CDH19: variants seen among roughly 807,000 people sequenced by gnomAD.
The protein encoded by CDH19 is cadherin-19.
In CDH19, 67 loss-of-function variants were observed where a neutral mutation model predicts 64.2. The observed-to-expected ratio is 1.04, with a 90% confidence interval of 0.86 to 1.28. The LOEUF (loss-of-function observed/expected upper bound fraction) is 1.28. CDH19 is among the 50% of genes most tolerant of loss of function. The pLI is 0.00. For synonymous variants in CDH19, 346 were observed against 319.3 expected (o/e 1.08, Z -0.89); for missense variants, 1,030 against 929.0 (o/e 1.11, Z -1.41).
In CDH19 at chr18:66,572,316, C is replaced by A; in HGVS notation, c.-112G>T. On this transcript the variant is annotated splice_region_variant and 5_prime_UTR_variant, in exon 2 of 12. Coordinates refer to ENST00000262150, the MANE Select transcript of CDH19 (RefSeq NM_021153.4). ...TCTGATTCTGTGTACCTTCTATATA[C>A]CTAAAGCGTCAGAAACAAAACAAAA... 1 of 679,182 alleles carries A rather than the reference C, an allele frequency of 1.5e-6. No homozygotes were observed. The highest frequency in any genetic ancestry group is 3.4e-5 in the South Asian group (1 of 29,820). 42.1% of individuals were successfully genotyped at this position (679,182 alleles called of 1,614,324 possible).
intron 1 of CDH19, among the ~76,000 whole-genome samples, chr18:66,579,582 A>G (rs1022438229): frequency 1.3e-5 from 2 of 152,026 alleles, no homozygotes; most frequent in African/African-American, 4.8e-5. Flanking sequence ...CTACCACAAA[A>G]TTGATCTAGT....
At chr18:66,585,661 C>T (rs1207432181) in intron 1 of CDH19, among the ~76,000 whole-genome samples, 1 of 152,050 alleles carries the variant, frequency 6.6e-6, no homozygotes, top group East Asian at 1.9e-4. Context: ...CTGCATTTCT[C>T]AAGGTCGAAA....
intron 3 of CDH19, among the ~76,000 whole-genome samples, chr18:66,557,424 G>C (rs1987559302): frequency 6.6e-6 from 1 of 151,912 alleles, no homozygotes; most frequent in South Asian, 2.1e-4. Flanking sequence ...AATGTATTCT[G>C]TTAATAGATT....
chr18:66,524,803 T>A (rs1206172350), intron 9 of CDH19, among the ~76,000 whole-genome samples: 2 of 151,950 alleles, frequency 1.3e-5, no homozygotes, highest in East Asian at 3.9e-4. Flanking sequence ...TGTGTGTCCT[T>A]CATGTTTTAT....
intron 5 of CDH19, 27 bp downstream of exon 5, chr18:66,551,067 T>C: frequency 7.8e-7 from 1 of 1,280,908 alleles, no homozygotes; most frequent in Admixed American, 1.8e-5. Flanking sequence ...TATAATGTAA[T>C]GAAGATGTAG....
At chr18:66,550,450 C>G (rs558938560) in intron 5 of CDH19, among the ~76,000 whole-genome samples, 1 of 152,010 alleles carries the variant, frequency 6.6e-6, no homozygotes, top group East Asian at 1.9e-4. Context: ...AATATGTCAC[C>G]GAAAGTGGCA....
rs760825598 is a variant in CDH19 at position 66,544,051 on chromosome 18, T to C, written c.1134A>G (p.Glu378=). The C allele has an allele frequency of 7.6e-5, 122 of 1,613,758 alleles. 2 individuals carry two copies. Among genetic ancestry groups the C allele is most frequent in the South Asian group, 5.3e-4 (48 of 91,082 alleles). The part of the protein sequence containing the change: ...PLFLLPYYVF[E]VFEETPQGSF... Reference sequence around the variant, plus strand: ...ATCCCTGTGGGGTTTCTTCAAAAACTTCAAATACATAATATGGAAGGAGGA... The same window carrying C: ...ATCCCTGTGGGGTTTCTTCAAAAACCTCAAATACATAATATGGAAGGAGGA... The change falls in exon 7 of 12, where the codon GAA becomes GAG. Residue 378 remains glutamate (E), a synonymous_variant. Coordinates refer to ENST00000262150, the MANE Select transcript of CDH19 (RefSeq NM_021153.4).
Position 66,572,065 on chromosome 18 carries a change from C to CAGTGT in CDH19, c.139_140insACACT (p.Trp47TyrfsTer12). On this transcript the variant is annotated frameshift_variant, in exon 2 of 12. Transcript: ENST00000262150. LOFTEE classifies it high-confidence loss of function. ...TTCCTCTGGTACAAAAAATTGGTTC[C>CAGTGT]ACACCCAGCCACGCTTCACTCTCAA... The CAGTGT allele has an allele frequency of 6.2e-7, 1 of 1,611,394 alleles. No homozygotes were observed.
At chr18:66,551,403 A>C in intron 4 of CDH19, 145 bp from the exon 5 acceptor site, 1 of 587,340 alleles carries the variant, frequency 1.7e-6, no homozygotes. Context: ...GAAAAATAAT[A>C]AAAAATAAAT....
chr18:66,560,170 C>T (rs546115662), intron 3 of CDH19, among the ~76,000 whole-genome samples: 8 of 152,108 alleles, frequency 5.3e-5, no homozygotes, highest in African/African-American at 1.2e-4. Context: ...GCACTAATAA[C>T]GAGCAAACGC....
At chr18:66,544,683 G>A (rs771917745) in intron 6 of CDH19, 36 bp downstream of exon 6, 24 of 1,407,038 alleles carry the variant, frequency 1.7e-5, no homozygotes, top group South Asian at 2.7e-5. Context: ...TTAATTTTGC[G>A]CTATTCTGCA....
At chr18:66,592,601 T>C (rs1257060308) in intron 1 of CDH19, among the ~76,000 whole-genome samples, 2 of 151,824 alleles carry the variant, frequency 1.3e-5, no homozygotes, top group East Asian at 3.9e-4. Flanking sequence ...AGCTTAATTT[T>C]ATTCTAGCTT....
intron 9 of CDH19, among the ~76,000 whole-genome samples, chr18:66,529,612 T>C (rs1429160734): frequency 6.7e-6 from 1 of 148,334 alleles, no homozygotes; most frequent in Non-Finnish European, 1.5e-5. Context: ...TAAAATAAGA[T>C]GAATGCATAA....
At chr18:66,557,514 A>T (rs1483905692) in intron 3 of CDH19, among the ~76,000 whole-genome samples, 5 of 152,044 alleles carry the variant, frequency 3.3e-5, no homozygotes, top group Non-Finnish European at 7.4e-5. Context: ...AATCTGTGAT[A>T]TTATAAATAT....
intron 9 of CDH19, among the ~76,000 whole-genome samples, chr18:66,525,785 G>A (rs529309094): frequency 5.3e-5 from 8 of 152,142 alleles, no homozygotes; most frequent in Non-Finnish European, 1.0e-4. Context: ...TTAAATGGAG[G>A]AACATGATAG....
intron 9 of CDH19, among the ~76,000 whole-genome samples, chr18:66,524,558 AT>A (rs1289389870): frequency 2.1e-5 from 3 of 140,900 alleles, no homozygotes; most frequent in Non-Finnish European, 4.7e-5. Flanking sequence ...ATATATATAT[AT>A]ATATATATAT....
intron 3 of CDH19, among the ~76,000 whole-genome samples, chr18:66,562,148 T>TG (rs1987746101): frequency 6.6e-6 from 1 of 151,834 alleles, no homozygotes; most frequent in Non-Finnish European, 1.5e-5. Flanking sequence ...GGCATGGGGA[T>TG]GGTCTGGGGA....
intron 3 of CDH19, among the ~76,000 whole-genome samples, chr18:66,565,481 A>C (rs1390259567): frequency 6.6e-6 from 1 of 151,986 alleles, no homozygotes; most frequent in African/African-American, 2.4e-5. Flanking sequence ...AAATGTTTGC[A>C]ATAGTTGTTT....
Position 66,544,854 on chromosome 18 carries a change from T to C in CDH19, c.825A>G (p.Ile275Met), listed in dbSNP as rs765475451. The C allele has an allele frequency of 1.2e-6, 2 of 1,612,822 alleles. No homozygotes were observed. The highest frequency in any genetic ancestry group is 2.2e-5 in the South Asian group (2 of 90,800). ...VSESAPTGTS[I>M]GTIMAYDNDI... ...CATTATCATATGCCATGATTGTTCC[T>C]ATAGAAGTCCCAGTGGGTGCAGATT... Residue 275 changes from isoleucine (I) to methionine (M), a missense_variant, in exon 6 of 12, where the codon ATA becomes ATG. By Grantham distance (10) the Ile-to-Met change is conservative. Coordinates refer to ENST00000262150, the MANE Select transcript of CDH19 (RefSeq NM_021153.4).
Sources: allele counts gnomAD v4.1 joint callset (sites outside exome capture counted in the v4.1 genomes callset), GRCh38; gene constraint gnomAD v4.1.1; transcripts MANE v1.5; gene names NCBI Gene and HGNC (gene_info 2026-07-23, HGNC 2026-07-21).